The following UGT2A1 variants were observed in gnomAD, a reference collection of about 807,000 sequenced individuals.
The protein encoded by UGT2A1 is UDP glucuronosyltransferase family 2 member A1 complex locus.
UGT2A1 carries 61 observed loss-of-function variants against 45.4 expected under a neutral mutation model. The observed-to-expected ratio is 1.34, with a 90% CI of 1.09 to 1.66. The LOEUF is 1.66. Ranked by LOEUF, UGT2A1 falls within the 40% of genes most tolerant of loss-of-function variation. The pLI is 0.00. For missense variants in UGT2A1, 649 were observed against 574.3 expected (o/e 1.13, Z -1.33); for synonymous variants, 229 against 196.2 (o/e 1.17, Z -1.40).
chr4:69,589,539 G>A lies in UGT2A1; in HGVS notation c.1417C>T (p.His473Tyr), dbSNP rs764097677. The change falls in exon 7 of 7, where the codon CAC (histidine) becomes TAC (tyrosine). Residue 473 changes from histidine (H) to tyrosine (Y), a missense_variant. Transcript: ENST00000286604. ...AGGTCATGGGCTGCAACCCGAAGGT[G>A]CTTGGCTCCTTTGTGGCGCATGACA... is the stretch of plus-strand genomic sequence containing the variant. ...EFVMRHKGAKHLRVAAHDLTW... is the reference protein window; with the variant it reads ...EFVMRHKGAKYLRVAAHDLTW... 3.5e-5 allele frequency: 56 copies of A among 1,613,992 alleles called. No homozygotes were observed. Among genetic ancestry groups the A allele is most frequent in the Non-Finnish European group, 4.5e-5 (53 of 1,179,990 alleles).
At chr4:69,605,764 A>C (rs1719570826) in intron 3 of UGT2A1, among the ~76,000 whole-genome samples, 1 of 137,286 alleles carries the variant, frequency 7.3e-6, no homozygotes, top group Non-Finnish European at 1.6e-5. Context: ...CCACAGAAAT[A>C]CAAAGTACCA....
chr4:69,650,062 A>G (rs1213042026), intron 1 of UGT2A1, among the ~76,000 whole-genome samples: 1 of 152,226 alleles, frequency 6.6e-6, no homozygotes, highest in East Asian at 1.9e-4. Context: ...GAGAAATGGC[A>G]ATCCTCTTGG....
intron 4 of UGT2A1, 69 bp from the exon 5 acceptor site, chr4:69,595,318 T>G (rs1054506284): frequency 1.3e-6 from 2 of 1,563,378 alleles, no homozygotes; most frequent in Non-Finnish European, 1.8e-6. Flanking sequence ...GGGAGAATTA[T>G]TTAGAAATCA....
intron 2 of UGT2A1, among the ~76,000 whole-genome samples, chr4:69,642,821 T>C (rs557654786): frequency 7.9e-4 from 120 of 151,688 alleles, no homozygotes; most frequent in Non-Finnish European, 1.4e-3. Flanking sequence ...AAAAAAACCT[T>C]GTTTTTACAG....
intron 3 of UGT2A1, among the ~76,000 whole-genome samples, chr4:69,605,262 GA>G (rs1390984992): frequency 1.5e-5 from 2 of 136,882 alleles, no homozygotes; most frequent in Non-Finnish European, 3.1e-5. Flanking sequence ...TCAGGATTAA[GA>G]AATTCACTCA....
chr4:69,652,741 C>T (rs1722599455), intron 1 of UGT2A1, among the ~76,000 whole-genome samples: 1 of 152,230 alleles, frequency 6.6e-6, no homozygotes, highest in East Asian at 1.9e-4. Flanking sequence ...CATCTCACAT[C>T]CTCTCATTCA....
At chr4:69,636,134 A>T (rs538790250) in intron 2 of UGT2A1, among the ~76,000 whole-genome samples, 11 of 152,304 alleles carry the variant, frequency 7.2e-5, no homozygotes, top group Admixed American at 2.6e-4. Context: ...GTCCTTCAAG[A>T]CATTTGGAGT....
chr4:69,632,302 G>A (rs1218770815), intron 3 of UGT2A1, among the ~76,000 whole-genome samples: 2 of 152,228 alleles, frequency 1.3e-5, no homozygotes, highest in Non-Finnish European at 2.9e-5. Flanking sequence ...AGGTTTTGGG[G>A]TTAATAAGGG....
intron 4 of UGT2A1, 29 bp downstream of exon 4, chr4:69,599,217 C>A: frequency 6.3e-7 from 1 of 1,585,454 alleles, no homozygotes; most frequent in Non-Finnish European, 8.5e-7. Context: ...TTATGAAGAG[C>A]ATAAAATCCT....
chr4:69,618,215 GTATGTTTGTGTGTGTGTGTGTGTA>G (rs1405240045), intron 3 of UGT2A1, among the ~76,000 whole-genome samples: 2 of 104,766 alleles, frequency 1.9e-5, no homozygotes, highest in Non-Finnish European at 4.0e-5. Context: ...GTGTGTGTGT[GTATGTTTGTGTGTGTGTGTGTGTA>G]TGTGTGTGTT....
intron 3 of UGT2A1, among the ~76,000 whole-genome samples, chr4:69,622,993 T>C (rs1720838599): frequency 6.6e-6 from 1 of 151,844 alleles, no homozygotes. Flanking sequence ...AAAATTGTCA[T>C]GGGTGTGTTC....
At chr4:69,616,256 A>T (rs902591983) in intron 3 of UGT2A1, among the ~76,000 whole-genome samples, 4 of 151,864 alleles carry the variant, frequency 2.6e-5, no homozygotes, top group African/African-American at 9.7e-5. Flanking sequence ...GGGAGGGTAT[A>T]AAGAGGGCAT....
Position 69,606,166 on chromosome 4 carries a change from A to T in UGT2A1, c.848-6772T>A, listed in dbSNP as rs1719599535. Among the ~76,000 whole-genome samples, 3 of 136,534 alleles carry T rather than the reference A, an allele frequency of 2.2e-5. 1 individual carries two copies. Among genetic ancestry groups the T allele is most frequent in the Non-Finnish European group, 4.7e-5 (3 of 64,220 alleles). 89.6% of individuals were successfully genotyped at this position (136,534 alleles called of 152,430 possible). ...TATCCCTGATGAACATCGAGGCAAA[A>T]ATCCTCAATAAAATACTGGCAAACC... On this transcript the variant is annotated intron_variant, in intron 3 of 6. Coordinates refer to ENST00000286604, the MANE Select transcript of UGT2A1 (RefSeq NM_001252275.3).
chr4:69,638,102 T>TA (rs1406221355), intron 2 of UGT2A1, among the ~76,000 whole-genome samples: 1 of 151,984 alleles, frequency 6.6e-6, no homozygotes, highest in Non-Finnish European at 1.5e-5. Flanking sequence ...AAAAGGTATG[T>TA]AAAAAAGTCT....
At position 69,601,733 on chromosome 4, in the gene UGT2A1, G is replaced by T. The variant is rs1002896348; in HGVS notation, c.848-2339C>A. Among the ~76,000 whole-genome samples the T allele has an allele frequency of 4.7e-5, 7 of 149,214 alleles. 1 individual carries two copies. Among genetic ancestry groups the T allele is most frequent in the Admixed American group, 4.0e-4 (6 of 15,024 alleles). ...CTCCCCTGCCACCCCTGTCAGAGCT[G>T]GTGCTGGTATCCACTGATGGGAGAC... On this transcript the variant is annotated intron_variant, in intron 3 of 6. Transcript: ENST00000286604.
rs952602609 is a variant in UGT2A1 at position 69,604,792 on chromosome 4, C to A, written c.848-5398G>T. ...AATCCTAGTCTCTGATAAAACAGACCTTAAAGCACCAAAGATCAAAAGAGA... is the reference window on the plus strand; with the variant it reads ...AATCCTAGTCTCTGATAAAACAGACATTAAAGCACCAAAGATCAAAAGAGA... On this transcript the variant is annotated intron_variant, in intron 3 of 6. Transcript: ENST00000286604. Among the ~76,000 whole-genome samples the A allele has an allele frequency of 5.2e-5, 7 of 135,920 alleles. 2 individuals are homozygous for A. The highest frequency in any genetic ancestry group is 4.7e-5 in the Non-Finnish European group (3 of 63,980). 89.2% of individuals were successfully genotyped at this position (135,920 alleles called of 152,430 possible). A position where few individuals can be genotyped will look rare whatever the true frequency, so the allele number is the denominator to read the frequency against.
chr4:69,592,410 C>A (rs1179544680), intron 6 of UGT2A1, among the ~76,000 whole-genome samples: 1 of 151,804 alleles, frequency 6.6e-6, no homozygotes, highest in Non-Finnish European at 1.5e-5. Flanking sequence ...ACTAAAAATG[C>A]ATTTAGGTAT....
intron 3 of UGT2A1, among the ~76,000 whole-genome samples, chr4:69,625,759 T>C (rs1721019787): frequency 6.6e-6 from 1 of 151,536 alleles, no homozygotes; most frequent in Admixed American, 6.6e-5. Context: ...AGTCTAAAGA[T>C]GTATCTTTTC....
intron 3 of UGT2A1, among the ~76,000 whole-genome samples, chr4:69,613,969 C>T (rs1306055787): frequency 1.3e-5 from 2 of 151,930 alleles, no homozygotes; most frequent in Admixed American, 1.3e-4. Context: ...AGTAGTAGTC[C>T]TAGCCAGAGC....
Sources: allele counts gnomAD v4.1 joint callset (sites outside exome capture counted in the v4.1 genomes callset), GRCh38; gene constraint gnomAD v4.1.1; transcripts MANE v1.5; gene names NCBI Gene and HGNC (gene_info 2026-07-23, HGNC 2026-07-21).